The following CYRIA variants were observed in gnomAD, a reference collection of about 807,000 sequenced individuals.
CYRIA encodes the protein CYFIP-related Rac1 interactor A.
A neutral mutation model predicts 43.9 loss-of-function variants in CYRIA; 15 were observed. The ratio of observed to expected loss-of-function variants is 0.34; its 90% CI spans 0.23 to 0.53. The LOEUF is 0.53. Ranked by LOEUF, CYRIA falls within the 20% of genes least tolerant of loss-of-function variation. The pLI is 0.94. For synonymous variants in CYRIA, 117 were observed against 136.0 expected, an observed-to-expected ratio of 0.86 and a Z score of 0.97; for missense variants, 236 against 394.2, an observed-to-expected ratio of 0.60 and a Z score of 3.40.
chr2:16,556,317 C>T (rs577156166), intron 10 of CYRIA, among the ~76,000 whole-genome samples: 10 of 152,144 alleles, frequency 6.6e-5, no homozygotes, highest in African/African-American at 1.7e-4. Flanking sequence ...TCATGCATAC[C>T]GGATTGGGAG....
At chr2:16,613,550 T>G (rs538419569) in intron 2 of CYRIA, among the ~76,000 whole-genome samples, 1 of 152,242 alleles carries the variant, frequency 6.6e-6, no homozygotes, top group Non-Finnish European at 1.5e-5. Flanking sequence ...GTAGGTTAGT[T>G]TGAAGAGTTA....
chr2:16,632,091 T>C (rs1669344430), intron 1 of CYRIA, among the ~76,000 whole-genome samples: 2 of 152,302 alleles, frequency 1.3e-5, no homozygotes, highest in South Asian at 4.1e-4. Flanking sequence ...AGAGACCACT[T>C]ATGCCATAAG....
chr2:16,560,815 A>G, intron 9 of CYRIA, 175 bp downstream of exon 9: 2 of 639,170 alleles, frequency 3.1e-6, no homozygotes, highest in Non-Finnish European at 5.6e-6. Flanking sequence ...TTCTTCAGCT[A>G]TGCAGTAGTG....
chr2:16,554,743 G>A (rs1313723066), intron 11 of CYRIA, among the ~76,000 whole-genome samples: 2 of 152,170 alleles, frequency 1.3e-5, no homozygotes, highest in Non-Finnish European at 2.9e-5. Context: ...CTCTTGTTCT[G>A]AGGAGTCTCT....
rs146271487 is a variant in CYRIA, at chr2:16,625,044, G to A, written c.-166-1025C>T. On this transcript the variant is annotated intron_variant, in intron 1 of 11. Transcript: ENST00000381323. ...TGTTACTAGGGCAAACACTAGAGTT[G>A]TCTGTTTTTTCCAATGTTTCAGCTC... 4.3e-4 allele frequency among the ~76,000 whole-genome samples: 65 copies of A among 152,284 alleles called. No homozygotes were observed. In the East Asian group the frequency reaches 9.4e-3, roughly 22 times the overall value.
rs1486005411 is a variant in CYRIA, at chr2:16,553,253, A to G, written c.909-254T>C. ...ACACAGAGGAGATATGAGCGGTCTC[A>G]TTTTCTAGGGAGGTGGATTTCACAG... On this transcript the variant is annotated intron_variant, in intron 11 of 11. Transcript: ENST00000381323. Among the ~76,000 whole-genome samples, 4 of 152,068 alleles carry G rather than the reference A, an allele frequency of 2.6e-5. No individual in the cohort carries two copies. In the East Asian group the frequency reaches 5.8e-4, roughly 22 times the overall value.
chr2:16,555,579 T>C (rs1285571055), intron 10 of CYRIA, among the ~76,000 whole-genome samples: 1 of 152,156 alleles, frequency 6.6e-6, no homozygotes, highest in African/African-American at 2.4e-5. Context: ...CTGCCCTGAA[T>C]GTTTTCTGTC....
At chr2:16,568,241 A>T (rs1437034418) in intron 3 of CYRIA, among the ~76,000 whole-genome samples, 1 of 151,670 alleles carries the variant, frequency 6.6e-6, no homozygotes, top group Admixed American at 6.6e-5. Flanking sequence ...AAAAAAAAAA[A>T]AAAAAAAACC....
intron 1 of CYRIA, chr2:16,625,756 T>C (rs1669143316): frequency 6.6e-6 from 1 of 151,848 alleles, no homozygotes; most frequent in African/African-American, 2.4e-5. Context: ...GGGCCAGGCG[T>C]GTCACAAAAG....
intron 1 of CYRIA, among the ~76,000 whole-genome samples, chr2:16,639,256 A>C (rs2103532550): frequency 6.6e-6 from 1 of 152,374 alleles, no homozygotes; most frequent in South Asian, 2.1e-4. Context: ...AAGACCCTCA[A>C]ACCCACCTTT....
At chr2:16,554,404 T>A (rs1666428579) in intron 11 of CYRIA, among the ~76,000 whole-genome samples, 1 of 152,138 alleles carries the variant, frequency 6.6e-6, no homozygotes, top group African/African-American at 2.4e-5. Flanking sequence ...ATTAAGCACA[T>A]GCATCCCTGG....
intron 1 of CYRIA, among the ~76,000 whole-genome samples, chr2:16,633,077 A>C (rs1669375831): frequency 6.6e-6 from 1 of 152,190 alleles, no homozygotes; most frequent in Admixed American, 6.5e-5. Flanking sequence ...ACTTCTAATA[A>C]AATCCATATT....
chr2:16,645,460 C>T (rs763190747), intron 1 of CYRIA, among the ~76,000 whole-genome samples: 22 of 152,294 alleles, frequency 1.4e-4, no homozygotes, highest in Middle Eastern at 6.8e-3. Context: ...TGCAATGACA[C>T]GGCTAGTGCA....
At chr2:16,661,928 T>A (rs1670265847) in intron 1 of CYRIA, among the ~76,000 whole-genome samples, 2 of 152,178 alleles carry the variant, frequency 1.3e-5, no homozygotes. Flanking sequence ...GAAAAATGTA[T>A]ATTAATGTTT....
chr2:16,592,323 G>A (rs969105367), intron 2 of CYRIA, among the ~76,000 whole-genome samples: 4 of 152,086 alleles, frequency 2.6e-5, no homozygotes, highest in African/African-American at 9.7e-5. Context: ...AGGAAGAGAC[G>A]GGAGAGGATA....
intron 2 of CYRIA, among the ~76,000 whole-genome samples, chr2:16,610,309 A>G (rs1341556348): frequency 6.6e-6 from 1 of 152,204 alleles, no homozygotes; most frequent in African/African-American, 2.4e-5. Context: ...ATCATACCAG[A>G]AAACTCACAG....
rs117090745 is a variant in CYRIA at position 16,591,098 on chromosome 2, C to T, written c.-10-2969G>A. 4.5e-4 allele frequency among the ~76,000 whole-genome samples: 68 copies of T among 152,170 alleles called. No individual in the cohort carries two copies. In the East Asian group the frequency reaches 0.011, roughly 25 times the overall value. The stretch of plus-strand genomic sequence containing the variant: ...ATCAGTGAATACAAAATATACGTTG[C>T]TATTACCATAGTACTCATGAAATAG... On this transcript the variant is annotated intron_variant, in intron 2 of 11. Transcript: ENST00000381323.
chr2:16,606,958 G>A (rs996249472), intron 2 of CYRIA, among the ~76,000 whole-genome samples: 2 of 151,124 alleles, frequency 1.3e-5, no homozygotes, highest in African/African-American at 4.9e-5. Flanking sequence ...TGTTGGTACC[G>A]AAACAAAAAA....
At chr2:16,653,466 C>T (rs1670024563) in intron 1 of CYRIA, among the ~76,000 whole-genome samples, 1 of 152,252 alleles carries the variant, frequency 6.6e-6, no homozygotes, top group Admixed American at 6.5e-5. Context: ...AACTTGCTGT[C>T]ATCCACCCAT....
Sources: allele counts gnomAD v4.1 joint callset (sites outside exome capture counted in the v4.1 genomes callset), GRCh38; gene constraint gnomAD v4.1.1; transcripts MANE v1.5; gene names NCBI Gene and HGNC (gene_info 2026-07-23, HGNC 2026-07-21).